LUZP2: variants seen among roughly 807,000 people sequenced by gnomAD.
The protein encoded by LUZP2 is leucine zipper protein 2.
A neutral mutation model predicts 51.6 loss-of-function variants in LUZP2; 52 were observed. The ratio of observed to expected loss-of-function variants is 1.01; its 90% CI spans 0.81 to 1.27. The LOEUF (loss-of-function observed/expected upper bound fraction) is 1.27. LUZP2 is among the 50% of genes most tolerant of loss of function. The probability of loss-of-function intolerance (pLI) is 0.00; values close to 1 mark genes in which losing one functional copy is unlikely to be tolerated. For missense variants in LUZP2, 436 were observed against 395.4 expected (o/e 1.10, Z -0.87); for synonymous variants, 154 against 137.3 (o/e 1.12, Z -0.85).
At chr11:24,552,644 A>C (rs1851754589) in intron 1 of LUZP2, among the ~76,000 whole-genome samples, 1 of 152,008 alleles carries the variant, frequency 6.6e-6, no homozygotes, top group African/African-American at 2.4e-5. Context: ...GTATAAGAGC[A>C]ATTCTCTATA....
At chr11:25,017,497 C>T (rs1325195355) in intron 9 of LUZP2, among the ~76,000 whole-genome samples, 1 of 152,176 alleles carries the variant, frequency 6.6e-6, no homozygotes, top group Non-Finnish European at 1.5e-5. Context: ...GTTTTCTTTG[C>T]ACCATTTATT....
intron 1 of LUZP2, among the ~76,000 whole-genome samples, chr11:24,710,899 G>A (rs544442754): frequency 6.9e-6 from 1 of 144,654 alleles, no homozygotes; most frequent in South Asian, 2.3e-4. Flanking sequence ...CAAAGAGAAA[G>A]GAAAGAAAGA....
intron 5 of LUZP2, among the ~76,000 whole-genome samples, chr11:24,887,851 C>T (rs1446026719): frequency 1.3e-5 from 2 of 152,110 alleles, no homozygotes; most frequent in Non-Finnish European, 2.9e-5. Flanking sequence ...AAGTGGTGCA[C>T]AGTCAGTTTT....
intron 1 of LUZP2, among the ~76,000 whole-genome samples, chr11:24,591,018 C>T (rs1440360770): frequency 6.6e-6 from 1 of 152,114 alleles, no homozygotes; most frequent in Non-Finnish European, 1.5e-5. Context: ...GCTGAGGAGG[C>T]AGATCACTTG....
chr11:24,895,960 T>C (rs1221463716), intron 5 of LUZP2, among the ~76,000 whole-genome samples: 2 of 152,266 alleles, frequency 1.3e-5, no homozygotes, highest in African/African-American at 2.4e-5. Context: ...CCACCAATAC[T>C]GTATAAGTGT....
chr11:24,969,682 A>G (rs1292046121), intron 7 of LUZP2, among the ~76,000 whole-genome samples: 1 of 152,158 alleles, frequency 6.6e-6, no homozygotes, highest in Non-Finnish European at 1.5e-5. Flanking sequence ...GCCTAAATCA[A>G]TTTTCAATTA....
At chr11:24,955,189 T>C (rs1299443972) in intron 7 of LUZP2, among the ~76,000 whole-genome samples, 1 of 151,998 alleles carries the variant, frequency 6.6e-6, no homozygotes, top group Non-Finnish European at 1.5e-5. Flanking sequence ...GACATATTGA[T>C]AGTTTTAGTG....
chr11:24,613,045 C>T (rs1565028891), intron 1 of LUZP2, among the ~76,000 whole-genome samples: 1 of 152,078 alleles, frequency 6.6e-6, no homozygotes, highest in Non-Finnish European at 1.5e-5. Flanking sequence ...TGTAGAATTT[C>T]ACAATAAACA....
chr11:24,831,316 A>G (rs922684922), intron 5 of LUZP2, among the ~76,000 whole-genome samples: 3 of 152,218 alleles, frequency 2.0e-5, no homozygotes, highest in Non-Finnish European at 4.4e-5. Flanking sequence ...TGTCCAGGGA[A>G]GTTTTACACA....
chr11:24,722,088 C>T (rs183728739), intron 1 of LUZP2, among the ~76,000 whole-genome samples: 1 of 152,192 alleles, frequency 6.6e-6, no homozygotes, highest in East Asian at 1.9e-4. Context: ...AGGTTGTTTG[C>T]AGGTCTAAAA....
Position 24,933,354 on chromosome 11 carries a change from G to A in LUZP2, c.522+18816G>A, listed in dbSNP as rs145280233. The stretch of plus-strand genomic sequence containing the variant: ...GTCCTGCCTCCTATCCACCATTTTC[G>A]CTGGAATCTCAAAGTATTGAAATTT... On this transcript the variant is annotated intron_variant, in intron 7 of 11. Coordinates refer to ENST00000336930, the MANE Select transcript of LUZP2 (RefSeq NM_001009909.4). Among the ~76,000 whole-genome samples, 325 of 152,140 alleles carry A rather than the reference G, an allele frequency of 2.1e-3. 1 individual carries two copies. The highest frequency in any genetic ancestry group is 7.2e-3 in the African/African-American group (299 of 41,504).
intron 9 of LUZP2, among the ~76,000 whole-genome samples, chr11:25,004,083 C>A (rs1856768389): frequency 6.6e-6 from 1 of 152,074 alleles, no homozygotes; most frequent in South Asian, 2.1e-4. Flanking sequence ...AATGGTTAAA[C>A]ATACCCGGGG....
chr11:24,905,020 T>G (rs1853403190), intron 5 of LUZP2, among the ~76,000 whole-genome samples: 1 of 151,888 alleles, frequency 6.6e-6, no homozygotes, highest in Non-Finnish European at 1.5e-5. Context: ...AAATGACAAA[T>G]AAGTCCATTA....
In LUZP2 at chr11:25,025,230, G is replaced by A. The variant is rs1489419394; in HGVS notation, c.766-24808G>A. The stretch of plus-strand genomic sequence containing the variant: ...CTAGGCAATACCATTCAGGTCATAG[G>A]CATAGGCAAGGACTTCATGTCTAAA... On this transcript the variant is annotated intron_variant, in intron 9 of 11. Coordinates refer to ENST00000336930, the MANE Select transcript of LUZP2 (RefSeq NM_001009909.4). Among the ~76,000 whole-genome samples, 2 of 152,106 alleles carry A rather than the reference G, an allele frequency of 1.3e-5. 1 individual carries two copies. The highest frequency in any genetic ancestry group is 4.8e-5 in the African/African-American group (2 of 41,480).
At chr11:24,896,623 C>T (rs111344725) in intron 5 of LUZP2, among the ~76,000 whole-genome samples, 6,762 of 152,202 alleles carry the variant, frequency 0.044, 486 homozygotes, top group African/African-American at 0.15. Flanking sequence ...CCCTGACAGG[C>T]GCTGCCCCCT....
chr11:24,873,147 A>G (rs951730764), intron 5 of LUZP2, among the ~76,000 whole-genome samples: 3 of 152,198 alleles, frequency 2.0e-5, no homozygotes, highest in Admixed American at 6.5e-5. Context: ...CCCCAGTGCT[A>G]GTCTAAAAGC....
intron 1 of LUZP2, among the ~76,000 whole-genome samples, chr11:24,557,611 A>G (rs1316067117): frequency 6.6e-6 from 1 of 152,180 alleles, no homozygotes; most frequent in Non-Finnish European, 1.5e-5. Flanking sequence ...TGATCAGAAA[A>G]AGTCAAAATC....
intron 1 of LUZP2, among the ~76,000 whole-genome samples, chr11:24,551,630 C>A (rs1851727609): frequency 6.6e-6 from 1 of 151,460 alleles, no homozygotes; most frequent in African/African-American, 2.4e-5. Flanking sequence ...ACCCAAGTGA[C>A]AAAAGCAACA....
At chr11:24,724,532 C>T (rs542856019) in intron 1 of LUZP2, among the ~76,000 whole-genome samples, 3 of 152,234 alleles carry the variant, frequency 2.0e-5, no homozygotes, top group Non-Finnish European at 4.4e-5. Flanking sequence ...GATCATGCCA[C>T]TGTACTCCAG....
Sources: gnomAD v4.1 joint callset for allele counts (sites outside exome capture counted in the v4.1 genomes callset) on GRCh38, gnomAD v4.1.1 for gene constraint, MANE v1.5 for transcripts, NCBI Gene and HGNC (gene_info 2026-07-23, HGNC 2026-07-21) for gene names.